Variants in CGAS observed in about 807,000 individuals in gnomAD.
The protein encoded by CGAS is 2'3'-cGAMP synthase.
Under a neutral mutation model 34.0 loss-of-function variants are expected in CGAS, and 31 were observed. The ratio of observed to expected loss-of-function variants is 0.91; its 90% CI spans 0.69 to 1.23. CGAS has a LOEUF of 1.23. CGAS is among the 50% of genes most tolerant of loss of function. CGAS has a pLI of 0.00. For synonymous variants in CGAS, 266 were observed against 260.0 expected (o/e 1.02, Z -0.22); for missense variants, 597 against 657.6 (o/e 0.91, Z 1.01).
chr6:73,446,830 G>A (rs1770481165), intron 1 of CGAS, among the ~76,000 whole-genome samples: 1 of 151,638 alleles, frequency 6.6e-6, no homozygotes, highest in Non-Finnish European at 1.5e-5. Flanking sequence ...GGACGAGGCA[G>A]GCGAATCACA....
At chr6:73,426,918 T>C (rs1770099602) in intron 4 of CGAS, among the ~76,000 whole-genome samples, 2 of 151,878 alleles carry the variant, frequency 1.3e-5, no homozygotes, top group South Asian at 4.2e-4. Flanking sequence ...TGGTGTGATC[T>C]CAGCTCACCG....
chr6:73,429,053 G>A (rs1770137517), intron 3 of CGAS, among the ~76,000 whole-genome samples: 1 of 151,988 alleles, frequency 6.6e-6, no homozygotes, highest in African/African-American at 2.4e-5. Flanking sequence ...ATCCTGGCAT[G>A]GTGGCACATG....
At chr6:73,446,053 G>A (rs961390856) in intron 1 of CGAS, among the ~76,000 whole-genome samples, 29 of 152,270 alleles carry the variant, frequency 1.9e-4, no homozygotes, top group African/African-American at 7.0e-4. Context: ...GTGGGGCCAG[G>A]TGCAGTGGCT....
At chr6:73,450,298 C>T (rs1770542004) in intron 1 of CGAS, among the ~76,000 whole-genome samples, 1 of 151,648 alleles carries the variant, frequency 6.6e-6, no homozygotes, top group Non-Finnish European at 1.5e-5. Context: ...GCTTGTAATC[C>T]CATCTACTCA....
intron 4 of CGAS, among the ~76,000 whole-genome samples, chr6:73,427,640 T>G (rs1322945772): frequency 6.6e-6 from 1 of 151,962 alleles, no homozygotes; most frequent in Non-Finnish European, 1.5e-5. Context: ...AACAATTCCT[T>G]TTCAATCTTA....
chr6:73,430,516 A>G (rs1472112662), intron 3 of CGAS, among the ~76,000 whole-genome samples: 2 of 152,066 alleles, frequency 1.3e-5, no homozygotes, highest in Non-Finnish European at 2.9e-5. Flanking sequence ...ATGTATTTGT[A>G]TATAGTCCCA....
chr6:73,434,229 C>T (rs2090919650), intron 3 of CGAS, among the ~76,000 whole-genome samples: 1 of 152,166 alleles, frequency 6.6e-6, no homozygotes, highest in South Asian at 2.1e-4. Context: ...TGAATTGAAA[C>T]CCACAGATAT....
intron 3 of CGAS, among the ~76,000 whole-genome samples, chr6:73,429,220 A>G (rs939348742): frequency 1.3e-5 from 2 of 151,858 alleles, no homozygotes; most frequent in Non-Finnish European, 2.9e-5. Context: ...GAAAAAGAAA[A>G]TATTCTGAAA....
chr6:73,444,756 G>GTTCA (rs1770441809), intron 2 of CGAS, among the ~76,000 whole-genome samples: 1 of 152,176 alleles, frequency 6.6e-6, no homozygotes, highest in Non-Finnish European at 1.5e-5. Flanking sequence ...TGATGTAATA[G>GTTCA]TTCAGGTAAA....
In CGAS at chr6:73,424,621, A is replaced by G. The variant is rs934917314; in HGVS notation, c.*606T>C. ...ACATGGTAATGTTTTTAGATTTCAA[A>G]TACTACTTTTGCTTCTTATTCCTTG... On this transcript the variant is annotated 3_prime_UTR_variant, in exon 5 of 5. Transcript: ENST00000370315. The G allele has an allele frequency of 6.6e-6, 1 of 152,078 alleles. No homozygotes were observed. The highest frequency in any genetic ancestry group is 2.4e-5 in the African/African-American group (1 of 41,412). The allele number at this position is 152,078 out of a possible 1,614,324, so 9.4% of individuals were successfully genotyped here. A position where few individuals can be genotyped will look rare whatever the true frequency, so the allele number is the denominator to read the frequency against.
intron 2 of CGAS, among the ~76,000 whole-genome samples, chr6:73,442,255 A>G (rs1770391022): frequency 6.6e-6 from 1 of 152,094 alleles, no homozygotes; most frequent in African/African-American, 2.4e-5. Flanking sequence ...ATGCTCTTCA[A>G]GTATTTCCTC....
chr6:73,435,708 GTGGGAGGAC>G (rs1770270094), intron 3 of CGAS, among the ~76,000 whole-genome samples: 1 of 150,316 alleles, frequency 6.7e-6, no homozygotes. Context: ...GGAGGCCAAA[GTGGGAGGAC>G]TGCTTTAGGC....
chr6:73,432,003 A>AT (rs919994032), intron 3 of CGAS, among the ~76,000 whole-genome samples: 3 of 151,668 alleles, frequency 2.0e-5, no homozygotes, highest in African/African-American at 7.3e-5. Flanking sequence ...TAATTTTTGG[A>AT]TTTTTTTGTA....
At chr6:73,428,385 C>G (rs1770126126) in intron 4 of CGAS, among the ~76,000 whole-genome samples, 1 of 152,068 alleles carries the variant, frequency 6.6e-6, no homozygotes, top group African/African-American at 2.4e-5. Flanking sequence ...TTTAAACAAG[C>G]AGAATACTAA....
At position 73,449,508 on chromosome 6, in the gene CGAS, C is replaced by CACACACACACAA. The variant is rs569310062; in HGVS notation, c.657+2016_657+2017insTTGTGTGTGTGT. On this transcript the variant is annotated intron_variant, in intron 1 of 4. Coordinates refer to ENST00000370315, the MANE Select transcript of CGAS (RefSeq NM_138441.3). ...ACACACACACACACACACACACACA[C>CACACACACACAA]AAAGTGGTTCTGAATGGAGACTGTC... Among the ~76,000 whole-genome samples, 343 of 150,446 alleles carry CACACACACACAA rather than the reference C, an allele frequency of 2.3e-3. 2 individuals are homozygous for CACACACACACAA. The highest frequency in any genetic ancestry group is 0.011 in the East Asian group (55 of 5,080).
Position 73,451,477 on chromosome 6 carries a change from C to A in CGAS, c.657+48G>T, listed in dbSNP as rs774418670. 11 of 1,506,902 alleles carry A rather than the reference C, an allele frequency of 7.3e-6. No homozygotes were observed. In the South Asian group the frequency reaches 1.1e-4, roughly 16 times the overall value. 93.3% of individuals were successfully genotyped at this position (1,506,902 alleles called of 1,614,324 possible). On this transcript the variant is annotated intron_variant, in intron 1 of 4. Coordinates refer to ENST00000370315, the MANE Select transcript of CGAS (RefSeq NM_138441.3). ...CGGGGAAGGTAGGGACTGCGGATTG[C>A]GGAAGGCCGAGCAGCGGGGCTCGGC...
intron 2 of CGAS, among the ~76,000 whole-genome samples, chr6:73,444,550 CCACG>C (rs1770438565): frequency 1.4e-5 from 2 of 138,692 alleles, no homozygotes; most frequent in African/African-American, 5.4e-5. Context: ...CTCAGGTGAT[CCACG>C]CACCTCAGCC....
intron 2 of CGAS, among the ~76,000 whole-genome samples, chr6:73,444,268 G>A (rs1770430614): frequency 6.6e-6 from 1 of 151,856 alleles, no homozygotes; most frequent in Non-Finnish European, 1.5e-5. Context: ...GATTACAGGT[G>A]TGAGCCACTG....
At chr6:73,426,859 C>CT (rs1554237226) in intron 4 of CGAS, among the ~76,000 whole-genome samples, 7 of 144,576 alleles carry the variant, frequency 4.8e-5, no homozygotes, top group East Asian at 2.0e-4. Flanking sequence ...TTTCTTTTTC[C>CT]TTTTTTTTTG....
Sources: gnomAD v4.1 joint callset for allele counts (sites outside exome capture counted in the v4.1 genomes callset) on GRCh38, gnomAD v4.1.1 for gene constraint, MANE v1.5 for transcripts, NCBI Gene and HGNC (gene_info 2026-07-23, HGNC 2026-07-21) for gene names.